CCDC66: variants seen among roughly 807,000 people sequenced by gnomAD.
CCDC66 encodes coiled-coil domain-containing protein 66.
Under a neutral mutation model 128.3 loss-of-function variants are expected in CCDC66, and 133 were observed. That is an observed-to-expected ratio of 1.04 (90% CI 0.90 to 1.20). CCDC66 has a LOEUF of 1.20. Ranked by LOEUF, CCDC66 falls within the 50% of genes most tolerant of loss-of-function variation. CCDC66 has a pLI of 0.00. For missense variants in CCDC66, 1,126 were observed against 1,075.5 expected (o/e 1.05, Z -0.66); for synonymous variants, 387 against 357.0 (o/e 1.08, Z -0.95).
At chr3:56,604,528 G>C (rs2073767063) in intron 10 of CCDC66, among the ~76,000 whole-genome samples, 1 of 151,674 alleles carries the variant, frequency 6.6e-6, no homozygotes. Context: ...TTTCTCCTTT[G>C]CTTATGAAAC....
At chr3:56,581,640 AC>A (rs1355837278) in intron 7 of CCDC66, among the ~76,000 whole-genome samples, 4 of 151,530 alleles carry the variant, frequency 2.6e-5, no homozygotes, top group Non-Finnish European at 4.4e-5. Context: ...AACAGTCAGG[AC>A]CCTCAGCTGC....
chr3:56,579,255 C>T (rs1427829642), intron 7 of CCDC66, among the ~76,000 whole-genome samples: 1 of 151,706 alleles, frequency 6.6e-6, no homozygotes, highest in African/African-American at 2.4e-5. Context: ...GTGGTGATAT[C>T]CCCTTTATCA....
At chr3:56,619,098 A>G (rs113724758) in intron 15 of CCDC66, 173 bp from the exon 16 acceptor site, 8 of 554,820 alleles carry the variant, frequency 1.4e-5, no homozygotes, top group African/African-American at 2.0e-5. Context: ...TGCGCCTGTA[A>G]TCCCAGCTAC....
At position 56,616,933 on chromosome 3, in the gene CCDC66, C is replaced by T. The variant is rs534685503; in HGVS notation, c.1844-179C>T. On this transcript the variant is annotated intron_variant, in intron 13 of 17. Transcript: ENST00000394672. ...ATAGAAATGGAAATTAGAGTGGTGG[C>T]TGCCAGTGGTTGGGAGTATGTGGTT... The T allele has an allele frequency of 3.8e-5, 17 of 452,212 alleles. No individual in the cohort carries two copies. In the South Asian group the frequency reaches 9.6e-4, roughly 25 times the overall value. 28.0% of individuals were successfully genotyped at this position (452,212 alleles called of 1,614,324 possible).
chr3:56,611,875 C>T (rs958316121), intron 10 of CCDC66, among the ~76,000 whole-genome samples: 1 of 152,170 alleles, frequency 6.6e-6, no homozygotes, highest in African/African-American at 2.4e-5. Flanking sequence ...GGTGTGTGTT[C>T]GGGAGAGGAG....
chr3:56,558,325 C>T (rs2064641262), intron 1 of CCDC66, among the ~76,000 whole-genome samples: 1 of 152,126 alleles, frequency 6.6e-6, no homozygotes, highest in African/African-American at 2.4e-5. Flanking sequence ...TTCTGATATG[C>T]ACGTATAAAG....
rs80075006 is a variant in CCDC66 at position 56,613,492 on chromosome 3, A to G, written c.1405-97A>G. 928 of 1,390,578 alleles carry G rather than the reference A, an allele frequency of 6.7e-4. 6 individuals are homozygous for G. In the African/African-American group the frequency reaches 0.012, roughly 18 times the overall value. 86.1% of individuals were successfully genotyped at this position (1,390,578 alleles called of 1,614,324 possible). On this transcript the variant is annotated intron_variant, in intron 10 of 17. Coordinates refer to ENST00000394672, the MANE Select transcript of CCDC66 (RefSeq NM_001141947.3). ...CATTATTTTGGTTCCCCTCTGTGGA[A>G]GAGGTGAGCACTGAATGTATCTAGT...
rs2065908654 is a variant in CCDC66 at position 56,566,736 on chromosome 3, A to T, written c.687A>T (p.Lys229Asn). The stretch of plus-strand genomic sequence containing the variant: ...TAAATGAACATCAGGAGACATCTAA[A>T]CAGTGTGAGCAAAAAATTGCCATGT... Reference protein sequence around the residue: ...SVLNEHQETSKQCEQKIAIEN... With the variant: ...SVLNEHQETSNQCEQKIAIEN... The change falls in exon 5 of 18, where the codon AAA becomes AAT. Residue 229 changes from lysine to asparagine, a missense_variant. Coordinates refer to ENST00000394672, the MANE Select transcript of CCDC66 (RefSeq NM_001141947.3). 1 of 1,612,044 alleles carries T rather than the reference A, an allele frequency of 6.2e-7. No individual in the cohort carries two copies. Among genetic ancestry groups the T allele is most frequent in the African/African-American group, 1.3e-5 (1 of 74,850 alleles).
chr3:56,564,421 C>T (rs191834377), intron 4 of CCDC66, among the ~76,000 whole-genome samples: 101 of 152,194 alleles, frequency 6.6e-4, no homozygotes, highest in Non-Finnish European at 1.1e-3. Context: ...GGAGGCTTTA[C>T]TCATATTTAA....
chr3:56,564,614 T>A (rs896968642), intron 4 of CCDC66, among the ~76,000 whole-genome samples: 1 of 152,166 alleles, frequency 6.6e-6, no homozygotes, highest in Admixed American at 6.5e-5. Flanking sequence ...AAAAACAAGG[T>A]TAACACAGAT....
chr3:56,567,031 A>AG lies in CCDC66; in HGVS notation c.793dup (p.Ala265GlyfsTer9), dbSNP rs1242669208. 6.2e-7 allele frequency: 1 copy of AG among 1,613,780 alleles called. No homozygotes were observed. The highest frequency in any genetic ancestry group is 8.5e-7 in the Non-Finnish European group (1 of 1,179,654). ...ATAGAAGTTCGTTGGAAGCAAAAAA[A>AG]GCCCAGTGGAGGAAAGAGCTAGGTA... On this transcript the variant is annotated frameshift_variant, in exon 6 of 18. Coordinates refer to ENST00000394672, the MANE Select transcript of CCDC66 (RefSeq NM_001141947.3). LOFTEE classifies it high-confidence loss of function.
At chr3:56,563,643 C>T in intron 3 of CCDC66, 41 bp from the exon 4 acceptor site, 1 of 1,433,810 alleles carries the variant, frequency 7.0e-7, no homozygotes, top group Non-Finnish European at 9.3e-7. Context: ...GGTGATTTTT[C>T]TTGGACAGTT....
chr3:56,605,506 T>G (rs577429608), intron 10 of CCDC66, among the ~76,000 whole-genome samples: 1 of 152,186 alleles, frequency 6.6e-6, no homozygotes, highest in South Asian at 2.1e-4. Context: ...TTTGTTAGTT[T>G]TCCTTCTAAT....
At chr3:56,584,612 G>C (rs2069248216) in intron 7 of CCDC66, among the ~76,000 whole-genome samples, 1 of 151,516 alleles carries the variant, frequency 6.6e-6, no homozygotes, top group Non-Finnish European at 1.5e-5. Context: ...CCCAGACTGG[G>C]CGGCCGGGCA....
intron 7 of CCDC66, among the ~76,000 whole-genome samples, chr3:56,579,991 C>G (rs1312674021): frequency 6.6e-6 from 1 of 151,728 alleles, no homozygotes; most frequent in African/African-American, 2.4e-5. Context: ...GTTGATCTGT[C>G]TAATGTTGAC....
At position 56,557,260 on chromosome 3, in the gene CCDC66, AGGGGTAAGCT is replaced by A; in HGVS notation, c.11+27_11+36del. On this transcript the variant is annotated splice_region_variant and intron_variant, in intron 1 of 17. Coordinates refer to ENST00000394672, the MANE Select transcript of CCDC66 (RefSeq NM_001141947.3). ...GTCAGGCCATGAACTTGGGGTAAGC[AGGGGTAAGCT>A]GGGGTAAGCTGGGGTAAGCAAGGTG... 6.3e-4 allele frequency: 972 copies of A among 1,549,324 alleles called. 11 individuals carry two copies. The African/African-American group carries it at 0.01, about 16-fold the overall frequency.
In CCDC66 at chr3:56,619,171, G is replaced by A. The variant is rs558435625; in HGVS notation, c.2379-100G>A. On this transcript the variant is annotated intron_variant, in intron 15 of 17. Coordinates refer to ENST00000394672, the MANE Select transcript of CCDC66 (RefSeq NM_001141947.3). ...ATCGCGCCACTGCACTCCAGCCTGG[G>A]CAACAGAGCGAGACTTCATCTCATA... 288 of 1,015,648 alleles carry A rather than the reference G, an allele frequency of 2.8e-4. 5 individuals are homozygous for A. The South Asian group carries it at 4.7e-3, about 16-fold the overall frequency. The allele number at this position is 1,015,648 out of a possible 1,614,324, so 62.9% of individuals were successfully genotyped here.
chr3:56,593,792 T>C, intron 9 of CCDC66, 51 bp downstream of exon 9: 1 of 1,597,210 alleles, frequency 6.3e-7, no homozygotes, highest in Non-Finnish European at 8.6e-7. Flanking sequence ...CTGTGTGCTT[T>C]AGTAAGACTG....
Position 56,563,927 on chromosome 3 carries a change from C to T in CCDC66, c.346C>T (p.Pro116Ser), listed in dbSNP as rs1460506013. The change falls in exon 4 of 18, where the codon CCT becomes TCT. Residue 116 changes from proline (P) to serine (S), a missense_variant. Coordinates refer to ENST00000394672, the MANE Select transcript of CCDC66 (RefSeq NM_001141947.3). ...CCAGAAAGAGATTTCACCTGCAACC[C>T]CTAATATGCAGAAGACTAGAAACAC... Reference protein sequence around the residue: ...HIQKEISPATPNMQKTRNTVN... With the variant: ...HIQKEISPATSNMQKTRNTVN... 1 of 1,613,748 alleles carries T rather than the reference C, an allele frequency of 6.2e-7. No individual in the cohort carries two copies. The highest frequency in any genetic ancestry group is 8.5e-7 in the Non-Finnish European group (1 of 1,179,748).
Sources: allele counts gnomAD v4.1 joint callset (sites outside exome capture counted in the v4.1 genomes callset), GRCh38; gene constraint gnomAD v4.1.1; transcripts MANE v1.5; gene names NCBI Gene and HGNC (gene_info 2026-07-23, HGNC 2026-07-21).